CCDC3: variants seen among roughly 807,000 people sequenced by gnomAD.
CCDC3 encodes coiled-coil domain containing 3.
In CCDC3, 24 loss-of-function variants were observed where a neutral mutation model predicts 21.4. The observed-to-expected ratio is 1.12, with a 90% CI of 0.81 to 1.58. The LOEUF (loss-of-function observed/expected upper bound fraction) is 1.58, where lower values mean the gene tolerates loss of function less well. Ranked by LOEUF, CCDC3 falls within the 40% of genes most tolerant of loss-of-function variation. The probability of loss-of-function intolerance (pLI) is 0.00; values close to 1 mark genes in which losing one functional copy is unlikely to be tolerated. For synonymous variants in CCDC3, 186 were observed against 166.0 expected (o/e 1.12, Z -0.93); for missense variants, 425 against 360.9 (o/e 1.18, Z -1.44).
At chr10:12,912,849 C>T (rs967369199) in intron 2 of CCDC3, among the ~76,000 whole-genome samples, 6 of 152,138 alleles carry the variant, frequency 3.9e-5, no homozygotes, top group South Asian at 2.1e-4. Context: ...TTTCCAGCAC[C>T]GTTTACTGAA....
upstream of CCDC3, chr10:13,099,741 C>T (rs979009536): frequency 6.6e-6 from 1 of 152,080 alleles, no homozygotes. Context: ...ATGGAGGCCT[C>T]CCTCCGAGGA....
At chr10:12,994,023 A>T (rs1345079202) in intron 2 of CCDC3, among the ~76,000 whole-genome samples, 1 of 152,200 alleles carries the variant, frequency 6.6e-6, no homozygotes. Context: ...CTATCAGGGA[A>T]GAGAATGAAA....
At chr10:12,908,716 C>T (rs1006023390) in intron 2 of CCDC3, among the ~76,000 whole-genome samples, 5 of 151,812 alleles carry the variant, frequency 3.3e-5, no homozygotes, top group African/African-American at 1.2e-4. Flanking sequence ...CCTCAGCCTC[C>T]CAAGTAGCTG....
At chr10:12,948,535 T>A (rs915554978) in intron 2 of CCDC3, among the ~76,000 whole-genome samples, 3 of 152,020 alleles carry the variant, frequency 2.0e-5, no homozygotes, top group African/African-American at 7.3e-5. Flanking sequence ...GTGTGTTTTC[T>A]CTACCTTTGG....
At chr10:13,034,266 C>A (rs981665152) in intron 5 of CCDC3, among the ~76,000 whole-genome samples, 4 of 146,728 alleles carry the variant, frequency 2.7e-5, no homozygotes, top group East Asian at 2.0e-4. Context: ...ACTGCATGTT[C>A]TCACTCATAG....
chr10:12,898,441 AC>A lies in CCDC3; in HGVS notation c.787del (p.Val263CysfsTer25), dbSNP rs1229028840. ...ALPHINARGPVRPPYLRG is the reference protein window; with the variant it reads ...ALPHINARGPXRPPYLRG ...TTACCCCCGCAGGTAGGGGGGGCGC[AC>A]GGGCCCCCGGGCATTGATGTGCGGC... On this transcript the variant is annotated frameshift_variant, in exon 3 of 3. Coordinates refer to ENST00000378825, the MANE Select transcript of CCDC3 (RefSeq NM_031455.4). LOFTEE classifies it high-confidence loss of function. 6.2e-7 allele frequency: 1 copy of A among 1,605,388 alleles called. No individual in the cohort carries two copies. The highest frequency in any genetic ancestry group is 8.5e-7 in the Non-Finnish European group (1 of 1,174,762).
intron 5 of CCDC3, among the ~76,000 whole-genome samples, chr10:13,020,663 T>A (rs778502535): frequency 6.6e-6 from 1 of 152,110 alleles, no homozygotes; most frequent in Non-Finnish European, 1.5e-5. Context: ...AAGTCAACCA[T>A]CCTTTTGATT....
At chr10:12,961,442 G>A (rs749062) in intron 2 of CCDC3, among the ~76,000 whole-genome samples, 71,485 of 151,924 alleles carry the variant, frequency 0.47, 17,125 homozygotes, top group African/African-American at 0.49. Flanking sequence ...TCGGGGTGGA[G>A]GGAAAAAAAT....
rs139784949 is a variant in CCDC3, at chr10:12,997,145, C to T, written c.549+1193G>A. Among the ~76,000 whole-genome samples the T allele has an allele frequency of 2.1e-3, 319 of 152,098 alleles. 2 individuals are homozygous for T. Among genetic ancestry groups the T allele is most frequent in the Non-Finnish European group, 3.5e-3 (235 of 68,004 alleles). On this transcript the variant is annotated intron_variant, in intron 2 of 2. Coordinates refer to ENST00000378825, the MANE Select transcript of CCDC3 (RefSeq NM_031455.4). ...GGAAGAACAAGGCAGCTACCCTAGG[C>T]CATCCCACCAGACAAGAGAAAGACA...
intron 2 of CCDC3, among the ~76,000 whole-genome samples, chr10:12,950,628 C>G (rs1010755859): frequency 2.6e-5 from 4 of 152,118 alleles, no homozygotes; most frequent in Non-Finnish European, 4.4e-5. Flanking sequence ...TTTTTTTCTC[C>G]TTATCCTGGA....
chr10:12,953,969 A>G (rs2668922), intron 2 of CCDC3, among the ~76,000 whole-genome samples: 49,920 of 152,062 alleles, frequency 0.33, 8,486 homozygotes, highest in East Asian at 0.44. Context: ...AAGGACAATT[A>G]GTAAACAACT....
intron 2 of CCDC3, among the ~76,000 whole-genome samples, chr10:12,986,892 T>A (rs895028188): frequency 6.6e-6 from 1 of 152,024 alleles, no homozygotes; most frequent in African/African-American, 2.4e-5. Flanking sequence ...ACTGTTTCAA[T>A]AAAACTTTCA....
At chr10:13,073,632 C>T (rs951445775) in intron 4 of CCDC3, among the ~76,000 whole-genome samples, 1 of 152,028 alleles carries the variant, frequency 6.6e-6, no homozygotes, top group African/African-American at 2.4e-5. Flanking sequence ...ACAGCTACAA[C>T]TACAAGCACC....
intron 3 of CCDC3, among the ~76,000 whole-genome samples, chr10:13,078,502 A>T (rs931205702): frequency 3.2e-4 from 48 of 152,372 alleles, no homozygotes; most frequent in Admixed American, 2.0e-3. Context: ...AAGCAATCCC[A>T]TTACTGGGTA....
chr10:13,000,407 GTTCTGAAGTTCATGGAACTTCAGA>G (rs1835828550), intron 1 of CCDC3, among the ~76,000 whole-genome samples: 1 of 152,144 alleles, frequency 6.6e-6, no homozygotes, highest in Admixed American at 6.5e-5. Context: ...CACAGGCCAA[GTTCTGAAGTTCATGGAACTTCAGA>G]AGATTCCAGT....
At chr10:12,906,958 G>A (rs565125664) in intron 2 of CCDC3, among the ~76,000 whole-genome samples, 3 of 152,196 alleles carry the variant, frequency 2.0e-5, no homozygotes, top group Admixed American at 6.5e-5. Context: ...TTAACCAAAC[G>A]ATGACATTCT....
In CCDC3 at chr10:12,995,927, G is replaced by C. The variant is rs535478045; in HGVS notation, c.549+2411C>G. 1.8e-3 allele frequency among the ~76,000 whole-genome samples: 271 copies of C among 152,324 alleles called. 1 individual carries two copies. Among genetic ancestry groups the C allele is most frequent in the Non-Finnish European group, 3.1e-3 (209 of 68,028 alleles). On this transcript the variant is annotated intron_variant, in intron 2 of 2. Coordinates refer to ENST00000378825, the MANE Select transcript of CCDC3 (RefSeq NM_031455.4). ...AATTCCAGAAAAATGTTAGTAGCTA[G>C]ATTGTGACCATAGTGCTAAGAAGTT...
chr10:12,914,561 C>T (rs1220965326), intron 2 of CCDC3, among the ~76,000 whole-genome samples: 1 of 152,090 alleles, frequency 6.6e-6, no homozygotes. Context: ...TCGCCTGCCT[C>T]AGCCTCCCAA....
chr10:12,987,314 G>A (rs901631275), intron 2 of CCDC3, among the ~76,000 whole-genome samples: 38 of 152,286 alleles, frequency 2.5e-4, no homozygotes, highest in African/African-American at 7.2e-4. Flanking sequence ...TGCTAAGCAC[G>A]TAGGAAGGAT....
Sources: allele counts gnomAD v4.1 joint callset (sites outside exome capture counted in the v4.1 genomes callset), GRCh38; gene constraint gnomAD v4.1.1; transcripts MANE v1.5; gene names NCBI Gene and HGNC (gene_info 2026-07-23, HGNC 2026-07-21).